The following FAM193B variants were observed in gnomAD, a reference collection of about 807,000 sequenced individuals.
FAM193B encodes family with sequence similarity 193 member B.
In FAM193B, 27 loss-of-function variants were observed where a neutral mutation model predicts 70.7. The observed-to-expected ratio is 0.38, with a 90% confidence interval of 0.28 to 0.53. FAM193B has a LOEUF of 0.53. Among genes scored for constraint, FAM193B ranks in the 20% least tolerant of loss-of-function variants. The pLI, the probability that FAM193B is intolerant of heterozygous loss-of-function variation, is 0.81. For synonymous variants in FAM193B, 448 were observed against 436.0 expected (o/e 1.03, Z -0.34); for missense variants, 1,022 against 1,072.5 (o/e 0.95, Z 0.66).
chr5:177,524,398 C>G lies in FAM193B; in HGVS notation c.2083G>C (p.Gly695Arg). The change falls in exon 6 of 9, where the codon GGG becomes CGG. Residue 695 changes from glycine to arginine, a missense_variant. Transcript: ENST00000514747. ...SCAEAGEGSR[G>R]SRPGPGWAGS... ...GCCCAACCTGGTCCTGGCCGGCTCC[C>G]CCGGCTCCCCTCTCCAGCCTCAGCA... 6.3e-7 allele frequency: 1 copy of G among 1,576,518 alleles called. No individual in the cohort carries two copies. The highest frequency in any genetic ancestry group is 8.6e-7 in the Non-Finnish European group (1 of 1,162,204).
intron 1 of FAM193B, chr5:177,553,226 C>T (rs760042917): frequency 3.0e-5 from 30 of 985,936 alleles, no homozygotes; most frequent in Non-Finnish European, 3.6e-5. Flanking sequence ...TCTGGCTGCA[C>T]CAGCCTCCCA....
intron 5 of FAM193B, among the ~76,000 whole-genome samples, chr5:177,529,406 G>A (rs892588564): frequency 2.0e-5 from 3 of 152,006 alleles, no homozygotes; most frequent in Admixed American, 1.3e-4. Context: ...GGAGGCTGCT[G>A]TCTACAGAGA....
intron 5 of FAM193B, among the ~76,000 whole-genome samples, chr5:177,529,524 C>A (rs1763137405): frequency 6.6e-6 from 1 of 152,130 alleles, no homozygotes. Flanking sequence ...CTGCCTGGGC[C>A]TGCCAGACAG....
In FAM193B at chr5:177,524,274, GA is replaced by G; in HGVS notation, c.2206del (p.Ser736GlnfsTer71). 3.8e-6 allele frequency: 6 copies of G among 1,577,670 alleles called. No individual in the cohort carries two copies. The highest frequency in any genetic ancestry group is 1.2e-5 in the South Asian group (1 of 86,268). ...CAAGCTCTGTGGCCTTGCTGGGCCT[GA>G]GGGCTGCACAGACTCCTGCTCCTGA... The part of the protein sequence containing the change: ...RPQEQESVQP[S>X]GPARPQSLPQ... On this transcript the variant is annotated frameshift_variant, in exon 6 of 9. Transcript: ENST00000514747. LOFTEE classifies it high-confidence loss of function.
At chr5:177,529,749 C>T (rs1216333851) in intron 5 of FAM193B, among the ~76,000 whole-genome samples, 1 of 152,202 alleles carries the variant, frequency 6.6e-6, no homozygotes, top group Non-Finnish European at 1.5e-5. Context: ...GCACATCAGA[C>T]TTGGGAACTG....
chr5:177,530,560 G>A (rs538705291), intron 5 of FAM193B, among the ~76,000 whole-genome samples: 38 of 152,260 alleles, frequency 2.5e-4, no homozygotes, highest in Admixed American at 1.1e-3. Context: ...CATCGAACTC[G>A]AGGTCTTCCT....
rs189418508 is a variant in FAM193B at position 177,538,309 on chromosome 5, T to G, written c.454-202A>C. On this transcript the variant is annotated intron_variant, in intron 2 of 8. Transcript: ENST00000514747. The surrounding 1 kb of genome is among the most constrained non-coding windows in gnomAD (Gnocchi z 4.1). ...AAGGGCTGCGGTGGTCCCACTTACA[T>G]GCAATGTGTGGAGACTGGGGAGAGA... 3.4e-3 allele frequency among the ~76,000 whole-genome samples: 520 copies of G among 152,234 alleles called. 1 individual carries two copies. The highest frequency in any genetic ancestry group is 6.0e-3 in the Non-Finnish European group (409 of 68,010).
intron 5 of FAM193B, among the ~76,000 whole-genome samples, chr5:177,530,831 TCA>T (rs1763337789): frequency 6.6e-6 from 1 of 152,288 alleles, no homozygotes; most frequent in East Asian, 1.9e-4. Flanking sequence ...GAGTCTGTAC[TCA>T]CAGTCAGCCT....
At chr5:177,544,857 T>C (rs1406583872) in intron 1 of FAM193B, among the ~76,000 whole-genome samples, 1 of 152,226 alleles carries the variant, frequency 6.6e-6, no homozygotes, top group East Asian at 1.9e-4. Flanking sequence ...TGGAAATTAT[T>C]TGGAAAGGCT....
intron 1 of FAM193B, chr5:177,553,401 G>A (rs1219390732): frequency 5.8e-6 from 6 of 1,036,888 alleles, no homozygotes; most frequent in Non-Finnish European, 7.0e-6. Context: ...GTCAGAGCAA[G>A]CTTAGGGAGA....
intron 5 of FAM193B, among the ~76,000 whole-genome samples, chr5:177,529,065 C>T (rs1007479693): frequency 6.6e-6 from 1 of 152,008 alleles, no homozygotes; most frequent in Non-Finnish European, 1.5e-5. Flanking sequence ...GAGTGAGAAA[C>T]GGATTGACCT....
intron 4 of FAM193B, among the ~76,000 whole-genome samples, chr5:177,534,561 C>G (rs1411795058): frequency 6.6e-6 from 1 of 152,020 alleles, no homozygotes; most frequent in Non-Finnish European, 1.5e-5. Context: ...CTCAGCCTCC[C>G]AAAGTGCTGG....
chr5:177,544,234 C>A (rs1219216211), intron 1 of FAM193B, among the ~76,000 whole-genome samples: 1 of 152,210 alleles, frequency 6.6e-6, no homozygotes, highest in African/African-American at 2.4e-5. Context: ...GCTCTAGGTG[C>A]ACTCTAGGGC....
chr5:177,524,713 C>T lies in FAM193B; in HGVS notation c.1768G>A (p.Val590Met), dbSNP rs756186654. 11 of 1,588,126 alleles carry T rather than the reference C, an allele frequency of 6.9e-6. No individual in the cohort carries two copies. The highest frequency in any genetic ancestry group is 2.2e-5 in the East Asian group (1 of 44,684). ...CAGATCACCCGGGATAGGTTGGGCA[C>T]GGTGTTGAGTCTCCTCACGAGCCCG... ...ENGLVRRLNTVPNLSRVIWVK... is the reference protein window; with the variant it reads ...ENGLVRRLNTMPNLSRVIWVK... The change falls in exon 6 of 9, where the codon GTG becomes ATG. Residue 590 changes from valine (V) to methionine (M), a missense_variant. Coordinates refer to ENST00000514747, the MANE Select transcript of FAM193B (RefSeq NM_001190946.3).
intron 1 of FAM193B, among the ~76,000 whole-genome samples, chr5:177,550,554 G>T (rs1384932923): frequency 6.6e-6 from 1 of 152,226 alleles, no homozygotes; most frequent in Non-Finnish European, 1.5e-5. Flanking sequence ...AGTCCCAGAG[G>T]ACAATGTGGA....
Position 177,524,877 on chromosome 5 carries a change from G to C in FAM193B, c.1604C>G (p.Ser535Cys). 6.6e-7 allele frequency: 1 copy of C among 1,511,866 alleles called. No homozygotes were observed. The highest frequency in any genetic ancestry group is 8.8e-7 in the Non-Finnish European group (1 of 1,131,972). 93.7% of individuals were successfully genotyped at this position (1,511,866 alleles called of 1,614,324 possible). A position where few individuals can be genotyped will look rare whatever the true frequency, so the allele number is the denominator to read the frequency against. ...CTGAGGGGAGCCCAAAGTCAAAGGG[G>C]ACAGGTCAAGGTTGATGTCAGGCTG... The part of the protein sequence containing the change: ...EQQPDINLDL[S>C]PLTLGSPQNH... The change falls in exon 6 of 9, where the codon TCC (serine) becomes TGC (cysteine). Residue 535 changes from serine (S) to cysteine (C), a missense_variant. Coordinates refer to ENST00000514747, the MANE Select transcript of FAM193B (RefSeq NM_001190946.3).
At chr5:177,537,725 G>T in intron 3 of FAM193B, 148 bp downstream of exon 3, 1 of 1,168,172 alleles carries the variant, frequency 8.6e-7, no homozygotes, top group Non-Finnish European at 1.2e-6. Context: ...AAATAGTCAA[G>T]GTCTAAGCTG....
chr5:177,536,722 G>T lies in FAM193B; in HGVS notation c.712C>A (p.His238Asn), dbSNP rs1248661060. 1 of 1,558,960 alleles carries T rather than the reference G, an allele frequency of 6.4e-7. No individual in the cohort carries two copies. The highest frequency in any genetic ancestry group is 8.7e-7 in the Non-Finnish European group (1 of 1,153,256). The change falls in exon 4 of 9, where the codon CAC becomes AAC. Residue 238 changes from histidine (H) to asparagine (N), a missense_variant. By Grantham distance (68) the His-to-Asn change is moderately conservative (BLOSUM62 1). Coordinates refer to ENST00000514747, the MANE Select transcript of FAM193B (RefSeq NM_001190946.3). ...IPGEAFPVSE[H>N]HQHSDLTAPP... ...GCAGTGAGGTCTGAGTGCTGGTGGT[G>T]CTCCGAGACGGGGAAAGCCTCACCT...
Position 177,538,174 on chromosome 5 carries a change from T to G in FAM193B, c.454-67A>C, listed in dbSNP as rs755803474. The G allele has an allele frequency of 7.3e-4, 1,071 of 1,457,976 alleles. No homozygotes were observed. The highest frequency in any genetic ancestry group is 9.2e-4 in the Non-Finnish European group (1,007 of 1,096,176). 90.3% of individuals were successfully genotyped at this position (1,457,976 alleles called of 1,614,324 possible). A position where few individuals can be genotyped will look rare whatever the true frequency, so the allele number is the denominator to read the frequency against. ...ACATCGGAGCTGACCCTCTGCTGCC[T>G]CAGCTTTTCCTGAGGGAGCTCCTTC... On this transcript the variant is annotated intron_variant, in intron 2 of 8. Transcript: ENST00000514747. This position sits in a 1 kb window ranked among gnomAD's most constrained non-coding sequence, Gnocchi z 4.1.
Sources: allele counts gnomAD v4.1 joint callset (sites outside exome capture counted in the v4.1 genomes callset), GRCh38; gene constraint gnomAD v4.1.1; non-coding constraint Gnocchi (gnomAD v3.1); transcripts MANE v1.5; gene names NCBI Gene and HGNC (gene_info 2026-07-23, HGNC 2026-07-21).